The following CTNNA1 variants were observed in gnomAD, a reference collection of about 807,000 sequenced individuals.
The protein encoded by CTNNA1 is catenin alpha 1.
In CTNNA1, 37 loss-of-function variants were observed where a neutral mutation model predicts 98.4. That is an observed-to-expected ratio of 0.38 (90% CI 0.29 to 0.49). The LOEUF (loss-of-function observed/expected upper bound fraction) is 0.49, where lower values mean the gene tolerates loss of function less well. Among genes scored for constraint, CTNNA1 ranks in the 20% least tolerant of loss-of-function variants. The pLI is 0.95. For synonymous variants in CTNNA1, 404 were observed against 413.2 expected (o/e 0.98, Z 0.27); for missense variants, 761 against 1,147.2 (o/e 0.66, Z 4.86).
intron 7 of CTNNA1, among the ~76,000 whole-genome samples, chr5:138,851,453 CGTGGTTAACATGG>C: frequency 6.6e-6 from 1 of 152,204 alleles, no homozygotes; most frequent in East Asian, 1.9e-4. Context: ...GAGGTGTACA[CGTGGTTAACATGG>C]GTGCTACCTG....
chr5:138,924,448 T>TG, intron 11 of CTNNA1, 62 bp from the exon 12 acceptor site: 1 of 1,544,832 alleles, frequency 6.5e-7, no homozygotes. Flanking sequence ...GATGCCAGCT[T>TG]ACAGTTGCCA....
At chr5:138,913,154 T>C (rs1381147355) in intron 10 of CTNNA1, among the ~76,000 whole-genome samples, 1 of 152,180 alleles carries the variant, frequency 6.6e-6, no homozygotes, top group Non-Finnish European at 1.5e-5. Flanking sequence ...CTTTACAGAT[T>C]TAACCTTTAC....
At chr5:138,759,206 G>T (rs905807014) in intron 1 of CTNNA1, among the ~76,000 whole-genome samples, 1 of 152,032 alleles carries the variant, frequency 6.6e-6, no homozygotes, top group Non-Finnish European at 1.5e-5. Context: ...TTGAAAACTG[G>T]ACATTTGAAT....
At chr5:138,929,112 A>G in intron 13 of CTNNA1, 134 bp from the exon 14 acceptor site, 1 of 722,434 alleles carries the variant, frequency 1.4e-6, no homozygotes, top group Middle Eastern at 3.4e-4. Context: ...GACTTTATTC[A>G]CCATACTGTT....
chr5:138,853,364 C>G (rs749646295), intron 7 of CTNNA1, among the ~76,000 whole-genome samples: 3 of 151,634 alleles, frequency 2.0e-5, no homozygotes, highest in Admixed American at 6.6e-5. Flanking sequence ...TATTCTTTGC[C>G]CATTTTCTAC....
chr5:138,761,617 C>T (rs1437906717), intron 1 of CTNNA1, among the ~76,000 whole-genome samples: 3 of 151,740 alleles, frequency 2.0e-5, no homozygotes, highest in Non-Finnish European at 2.9e-5. Context: ...AAAATTTACT[C>T]AAAAAAATTT....
At position 138,874,207 on chromosome 5, in the gene CTNNA1, G is replaced by A. The variant is rs756319728; in HGVS notation, c.1063-12005G>A. 2 of 1,613,920 alleles carry A rather than the reference G, an allele frequency of 1.2e-6. No individual in the cohort carries two copies. The highest frequency in any genetic ancestry group is 4.5e-5 in the East Asian group (2 of 44,888). ...TGTTTGGCAAGTAAAATATTTTGTT[G>A]GAACTTAAGATTAATTCCTTAAGTT... On this transcript the variant is annotated intron_variant, in intron 7 of 17. Coordinates refer to ENST00000302763, the MANE Select transcript of CTNNA1 (RefSeq NM_001903.5). The surrounding 1 kb of genome is among the most constrained non-coding windows in gnomAD (Gnocchi z 4.1).
intron 1 of CTNNA1, among the ~76,000 whole-genome samples, chr5:138,768,645 G>A (rs533584118): frequency 1.4e-5 from 2 of 147,286 alleles, no homozygotes; most frequent in South Asian, 2.2e-4. Flanking sequence ...GCACAATCAC[G>A]GCATGCTAAA....
At chr5:138,901,169 CTCTTTTT>C (rs2150121949) in intron 9 of CTNNA1, among the ~76,000 whole-genome samples, 1 of 151,766 alleles carries the variant, frequency 6.6e-6, no homozygotes, top group South Asian at 2.1e-4. Context: ...TTTCTCTTTT[CTCTTTTT>C]TGAGAGAGTC....
intron 9 of CTNNA1, among the ~76,000 whole-genome samples, chr5:138,902,811 G>A (rs1758362562): frequency 6.6e-6 from 1 of 152,222 alleles, no homozygotes; most frequent in Admixed American, 6.5e-5. Flanking sequence ...TCTTAAGGCA[G>A]TGAAGCAATA....
intron 7 of CTNNA1, among the ~76,000 whole-genome samples, chr5:138,849,180 C>A (rs1561590152): frequency 6.6e-6 from 1 of 152,124 alleles, no homozygotes; most frequent in Non-Finnish European, 1.5e-5. Context: ...TTGGTGATTG[C>A]ATTTGAAGTA....
intron 9 of CTNNA1, among the ~76,000 whole-genome samples, chr5:138,897,966 G>C (rs957124798): frequency 2.6e-5 from 4 of 152,180 alleles, no homozygotes; most frequent in African/African-American, 9.7e-5. Flanking sequence ...AAGAGATGCA[G>C]TTTGGATACA....
chr5:138,888,812 T>C (rs553232138), intron 9 of CTNNA1, among the ~76,000 whole-genome samples: 1 of 152,264 alleles, frequency 6.6e-6, no homozygotes, highest in African/African-American at 2.4e-5. Flanking sequence ...AGTGCTAGGA[T>C]TATAGGCGTG....
At chr5:138,798,778 T>G (rs772338241) in intron 3 of CTNNA1, among the ~76,000 whole-genome samples, 5 of 152,188 alleles carry the variant, frequency 3.3e-5, no homozygotes, top group African/African-American at 7.2e-5. Flanking sequence ...TACAGTAGTA[T>G]TGAGCTCTCT....
intron 3 of CTNNA1, among the ~76,000 whole-genome samples, chr5:138,806,032 A>G (rs954925279): frequency 7.2e-5 from 11 of 152,152 alleles, no homozygotes; most frequent in African/African-American, 2.7e-4. Context: ...TTTAGCTCTA[A>G]CATTTAGGTT....
At chr5:138,792,430 A>G (rs1190361131) in intron 3 of CTNNA1, among the ~76,000 whole-genome samples, 2 of 152,170 alleles carry the variant, frequency 1.3e-5, no homozygotes, top group South Asian at 2.1e-4. Flanking sequence ...CACATCTACT[A>G]TAGGCAGCCT....
intron 15 of CTNNA1, 61 bp downstream of exon 15, chr5:138,930,715 C>G: frequency 1.9e-6 from 3 of 1,579,484 alleles, no homozygotes; most frequent in Non-Finnish European, 2.6e-6. Flanking sequence ...CACAGGTCAC[C>G]TGCGCAGCGG....
chr5:138,789,854 A>G (rs919201554), intron 3 of CTNNA1, among the ~76,000 whole-genome samples: 10 of 152,240 alleles, frequency 6.6e-5, no homozygotes, highest in Admixed American at 6.5e-4. Context: ...GAATGTATCA[A>G]GTGACACAGG....
At chr5:138,839,691 G>T (rs570428694) in intron 7 of CTNNA1, among the ~76,000 whole-genome samples, 1 of 152,272 alleles carries the variant, frequency 6.6e-6, no homozygotes, top group African/African-American at 2.4e-5. Context: ...TTCTTGGATT[G>T]CCACTCCATG....
Sources: gnomAD v4.1 joint callset for allele counts (sites outside exome capture counted in the v4.1 genomes callset) on GRCh38, gnomAD v4.1.1 for gene constraint, Gnocchi (gnomAD v3.1) non-coding constraint, MANE v1.5 for transcripts, NCBI Gene and HGNC (gene_info 2026-07-23, HGNC 2026-07-21) for gene names.